APH1B: variants seen among roughly 807,000 people sequenced by gnomAD.
APH1B encodes the protein gamma-secretase subunit APH-1B.
APH1B carries 27 observed loss-of-function variants against 28.2 expected under a neutral mutation model. That is an observed-to-expected ratio of 0.96 (90% CI 0.70 to 1.32). The LOEUF is 1.32. Ranked by LOEUF, APH1B falls within the 40% of genes most tolerant of loss-of-function variation. The probability of loss-of-function intolerance (pLI) is 0.00; values close to 1 mark genes in which losing one functional copy is unlikely to be tolerated. For synonymous variants in APH1B, 141 were observed against 124.6 expected, an observed-to-expected ratio of 1.13 and a Z score of -0.88; for missense variants, 305 against 313.6, an observed-to-expected ratio of 0.97 and a Z score of 0.21.
At position 63,307,518 on chromosome 15, in the gene APH1B, A is replaced by G. The variant is rs1457079737; in HGVS notation, c.*1737A>G. On this transcript the variant is annotated 3_prime_UTR_variant, in exon 6 of 6. Transcript: ENST00000261879. ...AGTTTGCAGTTTTCCAGCTTTATAC[A>G]GGATTTTCCTTTGACTGGAAGAGTC... The G allele has an allele frequency of 6.6e-6, 1 of 152,190 alleles. No homozygotes were observed. Among genetic ancestry groups the G allele is most frequent in the African/African-American group, 2.4e-5 (1 of 41,450 alleles). 9.4% of individuals were successfully genotyped at this position (152,190 alleles called of 1,614,324 possible).
chr15:63,281,554 A>G (rs1022586308), intron 2 of APH1B, among the ~76,000 whole-genome samples: 9 of 151,600 alleles, frequency 5.9e-5, no homozygotes, highest in Admixed American at 4.6e-4. Flanking sequence ...AAAAAAAACA[A>G]AAAAAAACAC....
chr15:63,306,566 G>A lies in APH1B; in HGVS notation c.*785G>A, dbSNP rs2038690019. The A allele has an allele frequency of 6.6e-6, 1 of 152,236 alleles. No individual in the cohort carries two copies. Among genetic ancestry groups the A allele is most frequent in the South Asian group, 2.1e-4 (1 of 4,836 alleles). 9.4% of individuals were successfully genotyped at this position (152,236 alleles called of 1,614,324 possible). On this transcript the variant is annotated 3_prime_UTR_variant, in exon 6 of 6. Transcript: ENST00000261879. ...TGCAATGTCTATAAGCCTGTTTAAA[G>A]CTTTCCATGGGCTCTGCCCCAAGGC... is the stretch of plus-strand genomic sequence containing the variant.
chr15:63,305,983 A>G lies in APH1B; in HGVS notation c.*202A>G. On this transcript the variant is annotated 3_prime_UTR_variant, in exon 6 of 6. Transcript: ENST00000261879. ...TGTGCGTCCTGGCTGCACGAGAATCACCTGGGACAGTGTAAAGCCGACTGA... is the reference window on the plus strand; with the variant it reads ...TGTGCGTCCTGGCTGCACGAGAATCGCCTGGGACAGTGTAAAGCCGACTGA... 3 of 635,436 alleles carry G rather than the reference A, an allele frequency of 4.7e-6. No individual in the cohort carries two copies. Among genetic ancestry groups the G allele is most frequent in the Non-Finnish European group, 7.7e-6 (3 of 390,898 alleles). 39.4% of individuals were successfully genotyped at this position (635,436 alleles called of 1,614,324 possible).
Position 63,287,662 on chromosome 15 carries a change from C to T in APH1B, c.478+116C>T, listed in dbSNP as rs940819762. On this transcript the variant is annotated intron_variant, in intron 4 of 5. Coordinates refer to ENST00000261879, the MANE Select transcript of APH1B (RefSeq NM_031301.4). Reference sequence around the variant, plus strand: ...GAATTTATGTTATGTCTTTTAAAGGCGAAATACTCTGAGGCACTGTGAAGT... The same window carrying T: ...GAATTTATGTTATGTCTTTTAAAGGTGAAATACTCTGAGGCACTGTGAAGT... 57 of 1,323,800 alleles carry T rather than the reference C, an allele frequency of 4.3e-5. No individual in the cohort carries two copies. The highest frequency in any genetic ancestry group is 5.4e-5 in the Non-Finnish European group (52 of 971,532). 82.0% of individuals were successfully genotyped at this position (1,323,800 alleles called of 1,614,324 possible).
chr15:63,280,447 C>T (rs1029220443), intron 2 of APH1B, among the ~76,000 whole-genome samples: 2 of 152,102 alleles, frequency 1.3e-5, no homozygotes, highest in African/African-American at 2.4e-5. Flanking sequence ...CCATGAATTT[C>T]GTGGATATAA....
At chr15:63,284,282 C>T (rs1468630551) in intron 2 of APH1B, among the ~76,000 whole-genome samples, 1 of 149,598 alleles carries the variant, frequency 6.7e-6, no homozygotes, top group Admixed American at 6.7e-5. Context: ...GGTGCAATCT[C>T]AGCTCACTGC....
At chr15:63,300,812 C>A (rs538072928) in intron 4 of APH1B, among the ~76,000 whole-genome samples, 1 of 152,146 alleles carries the variant, frequency 6.6e-6, no homozygotes, top group African/African-American at 2.4e-5. Flanking sequence ...TGAAATAATA[C>A]GCATTTTTTC....
At chr15:63,295,522 C>T (rs73445434) in intron 4 of APH1B, among the ~76,000 whole-genome samples, 6,687 of 152,260 alleles carry the variant, frequency 0.044, 470 homozygotes, top group African/African-American at 0.15. Context: ...TTCAAAGAGC[C>T]TTCTCAGGAT....
intron 2 of APH1B, among the ~76,000 whole-genome samples, chr15:63,280,326 A>G (rs1248689589): frequency 1.3e-5 from 2 of 152,222 alleles, no homozygotes; most frequent in South Asian, 2.1e-4. Context: ...ACTTGGAACC[A>G]TATTTCCTTT....
At chr15:63,299,480 C>T (rs1269294953) in intron 4 of APH1B, among the ~76,000 whole-genome samples, 1 of 152,158 alleles carries the variant, frequency 6.6e-6, no homozygotes, top group Non-Finnish European at 1.5e-5. Flanking sequence ...TCTCGGCTCA[C>T]TGCAAGCTCC....
chr15:63,303,774 T>C (rs942495986), intron 5 of APH1B, among the ~76,000 whole-genome samples: 1 of 152,120 alleles, frequency 6.6e-6, no homozygotes, highest in Non-Finnish European at 1.5e-5. Context: ...ATTACAGGCA[T>C]GAGCCACCAC....
chr15:63,281,358 G>C (rs1336208256), intron 2 of APH1B, among the ~76,000 whole-genome samples: 5 of 151,622 alleles, frequency 3.3e-5, no homozygotes, highest in African/African-American at 1.2e-4. Flanking sequence ...GACCCTTTTT[G>C]TCAGCGCCTG....
chr15:63,305,947 G>A lies in APH1B; in HGVS notation c.*166G>A, dbSNP rs922873983. On this transcript the variant is annotated 3_prime_UTR_variant, in exon 6 of 6. Transcript: ENST00000261879. ...TTCACACAACTGCTCTCCGAAAGGG[G>A]TGCTCAGTGGTGTGCGTCCTGGCTG... 15 of 873,552 alleles carry A rather than the reference G, an allele frequency of 1.7e-5. No homozygotes were observed. Among genetic ancestry groups the A allele is most frequent in the Non-Finnish European group, 2.4e-5 (14 of 594,558 alleles). The allele number at this position is 873,552 out of a possible 1,614,324, so 54.1% of individuals were successfully genotyped here.
At chr15:63,277,995 T>C (rs1555425529) in intron 1 of APH1B, 1 of 523,134 alleles carries the variant, frequency 1.9e-6, no homozygotes, top group Non-Finnish European at 3.4e-6. Context: ...TAAAGTTGTA[T>C]AAAAAAATTA....
Position 63,304,599 on chromosome 15 carries a change from TTTTCTC to T in APH1B, c.607-1011_607-1006del, listed in dbSNP as rs1481905153. Reference sequence around the variant, plus strand: ...CTTAATTTTATATAGTCTGATCAGTTTTTCTCTTTATGGTTTCACTTTTTGAGCTTT... The same window carrying T: ...CTTAATTTTATATAGTCTGATCAGTTTTTATGGTTTCACTTTTTGAGCTTT... On this transcript the variant is annotated intron_variant, in intron 5 of 5. Transcript: ENST00000261879. The surrounding 1 kb of genome is among the most constrained non-coding windows in gnomAD (Gnocchi z 5.1). 6.6e-5 allele frequency among the ~76,000 whole-genome samples: 10 copies of T among 152,324 alleles called. No individual in the cohort carries two copies. The highest frequency in any genetic ancestry group is 2.4e-4 in the African/African-American group (10 of 41,566).
At chr15:63,282,620 C>T (rs1721797357) in intron 2 of APH1B, among the ~76,000 whole-genome samples, 1 of 151,732 alleles carries the variant, frequency 6.6e-6, no homozygotes, top group East Asian at 1.9e-4. Context: ...CTTGAAACTC[C>T]TGTATGTTGC....
intron 5 of APH1B, among the ~76,000 whole-genome samples, chr15:63,303,874 A>C (rs764370962): frequency 4.1e-5 from 6 of 145,592 alleles, no homozygotes; most frequent in South Asian, 4.5e-4. Context: ...ACACACACAC[A>C]ACACACACAC....
In APH1B at chr15:63,287,507, G is replaced by A. The variant is rs754630950; in HGVS notation, c.439G>A (p.Gly147Ser). The change falls in exon 4 of 6, where the codon GGC (glycine) becomes AGC (serine). Residue 147 changes from glycine to serine, a missense_variant. Gly to Ser is a moderately conservative substitution (Grantham distance 56). Coordinates refer to ENST00000261879, the MANE Select transcript of APH1B (RefSeq NM_031301.4). ...LSDSLGPGTVGIHGDSPQFFL... is the reference protein window; with the variant it reads ...LSDSLGPGTVSIHGDSPQFFL... The stretch of plus-strand genomic sequence containing the variant: ...TGACTCCTTGGGGCCAGGCACAGTG[G>A]GCATTCATGGAGATTCTCCTCAATT... 6.2e-6 allele frequency: 10 copies of A among 1,613,726 alleles called. No individual in the cohort carries two copies. The highest frequency in any genetic ancestry group is 1.3e-5 in the African/African-American group (1 of 74,870).
At chr15:63,283,965 A>G (rs1245016852) in intron 2 of APH1B, among the ~76,000 whole-genome samples, 1 of 152,096 alleles carries the variant, frequency 6.6e-6, no homozygotes, top group Non-Finnish European at 1.5e-5. Flanking sequence ...TCATTGAATC[A>G]TCTTGCACTC....
Sources: gnomAD v4.1 joint callset for allele counts (sites outside exome capture counted in the v4.1 genomes callset) on GRCh38, gnomAD v4.1.1 for gene constraint, Gnocchi (gnomAD v3.1) non-coding constraint, MANE v1.5 for transcripts, NCBI Gene and HGNC (gene_info 2026-07-23, HGNC 2026-07-21) for gene names.